DLG1: variants seen among roughly 807,000 people sequenced by gnomAD.
DLG1 encodes the protein disks large homolog 1.
In DLG1, 42 loss-of-function variants were observed where a neutral mutation model predicts 123.4. The observed-to-expected ratio is 0.34, with a 90% confidence interval of 0.27 to 0.44. DLG1 has a LOEUF of 0.44. DLG1 is among the 20% of genes least tolerant of loss of function. DLG1 has a pLI of 1.00. For missense variants in DLG1, 942 were observed against 1,082.6 expected (o/e 0.87, Z 1.82); for synonymous variants, 317 against 356.2 (o/e 0.89, Z 1.24).
At chr3:197,297,679 C>T (rs1560213037) in intron 1 of DLG1, 3 of 989,160 alleles carry the variant, frequency 3.0e-6, no homozygotes, top group Non-Finnish European at 3.6e-6. Context: ...TTGCCTTTCT[C>T]CTTGCTCGCT....
At chr3:197,254,740 T>G (rs890997546) in intron 4 of DLG1, among the ~76,000 whole-genome samples, 1 of 152,014 alleles carries the variant, frequency 6.6e-6, no homozygotes. Context: ...ATACAATAAA[T>G]GAAATTAAGA....
intron 4 of DLG1, among the ~76,000 whole-genome samples, chr3:197,227,050 C>A (rs1740326790): frequency 6.6e-6 from 1 of 152,140 alleles, no homozygotes; most frequent in Non-Finnish European, 1.5e-5. Context: ...TTAACAAATG[C>A]CAGTAAAATA....
intron 4 of DLG1, among the ~76,000 whole-genome samples, chr3:197,233,219 A>G (rs1025667038): frequency 7.2e-5 from 11 of 152,206 alleles, no homozygotes; most frequent in Admixed American, 2.0e-4. Flanking sequence ...TTAGTAATAA[A>G]TGTAATAAAA....
intron 14 of DLG1, 92 bp downstream of exon 14, chr3:197,104,811 T>C (rs1444302271): frequency 2.3e-6 from 2 of 888,366 alleles, no homozygotes; most frequent in Non-Finnish European, 3.6e-6. Flanking sequence ...AAAGGAAGTT[T>C]AGCTTGGAAG....
At chr3:197,178,876 G>A (rs2150108346) in intron 5 of DLG1, among the ~76,000 whole-genome samples, 1 of 152,240 alleles carries the variant, frequency 6.6e-6, no homozygotes, top group East Asian at 1.9e-4. Flanking sequence ...TTTAATGAAA[G>A]ATATTATAGC....
At chr3:197,198,587 CAAG>C (rs1554010287) in intron 4 of DLG1, among the ~76,000 whole-genome samples, 3 of 150,972 alleles carry the variant, frequency 2.0e-5, no homozygotes, top group Non-Finnish European at 4.4e-5. Context: ...TATAGCTCAA[CAAG>C]AAGATGAGTC....
chr3:197,236,705 C>T (rs1479740827), intron 4 of DLG1, among the ~76,000 whole-genome samples: 1 of 152,074 alleles, frequency 6.6e-6, no homozygotes, highest in South Asian at 2.1e-4. Flanking sequence ...CAAGAAAAGT[C>T]GATTTTCACA....
intron 18 of DLG1, among the ~76,000 whole-genome samples, chr3:197,074,886 G>C (rs1481846469): frequency 2.0e-5 from 3 of 151,902 alleles, no homozygotes; most frequent in African/African-American, 7.3e-5. Flanking sequence ...TATTAATGTA[G>C]GTCTTAGAAA....
intron 9 of DLG1, among the ~76,000 whole-genome samples, chr3:197,137,979 C>CA (rs11395100): frequency 0.72 from 105,199 of 147,026 alleles, 37,719 homozygotes; most frequent in East Asian, 0.8. Flanking sequence ...CTCAAAAAAA[C>CA]AAACAAAAAA....
At chr3:197,202,553 A>G (rs1726326353) in intron 4 of DLG1, among the ~76,000 whole-genome samples, 1 of 152,218 alleles carries the variant, frequency 6.6e-6, no homozygotes, top group African/African-American at 2.4e-5. Flanking sequence ...TTAGGAGAAG[A>G]AAAACTCTTA....
chr3:197,085,373 T>C, intron 16 of DLG1: 1 of 539,618 alleles, frequency 1.9e-6, no homozygotes, highest in Non-Finnish European at 3.3e-6. Context: ...TAACCCCTGG[T>C]AACCACCATT....
intron 14 of DLG1, among the ~76,000 whole-genome samples, chr3:197,096,553 G>A (rs904029362): frequency 6.6e-6 from 1 of 152,144 alleles, no homozygotes; most frequent in African/African-American, 2.4e-5. Flanking sequence ...CTACATAATG[G>A]CTTTAGGACT....
intron 4 of DLG1, among the ~76,000 whole-genome samples, chr3:197,238,439 A>G (rs1747154693): frequency 6.6e-6 from 1 of 152,208 alleles, no homozygotes. Context: ...AAGAAATAGA[A>G]AGTCTAAGCA....
intron 5 of DLG1, among the ~76,000 whole-genome samples, chr3:197,191,988 C>A (rs1719852109): frequency 6.6e-6 from 1 of 151,900 alleles, no homozygotes; most frequent in African/African-American, 2.4e-5. Context: ...CAAGCCTGGG[C>A]AACAGAGCAA....
At chr3:197,239,187 A>C (rs1747571860) in intron 4 of DLG1, among the ~76,000 whole-genome samples, 1 of 152,278 alleles carries the variant, frequency 6.6e-6, no homozygotes, top group Admixed American at 6.5e-5. Flanking sequence ...ACAGAGTCCT[A>C]TATAGAGCAA....
chr3:197,256,359 C>G (rs942606538), intron 4 of DLG1, among the ~76,000 whole-genome samples: 1 of 152,272 alleles, frequency 6.6e-6, no homozygotes, highest in Admixed American at 6.5e-5. Flanking sequence ...TGGCCATAGT[C>G]TGCCAACTCC....
chr3:197,058,134 A>G lies in DLG1; in HGVS notation c.2483+1755T>C, dbSNP rs560357125. 2.4e-4 allele frequency among the ~76,000 whole-genome samples: 36 copies of G among 152,042 alleles called. No homozygotes were observed. The East Asian group carries it at 6.6e-3, about 28-fold the overall frequency. On this transcript the variant is annotated intron_variant, in intron 23 of 24. Coordinates refer to ENST00000667157, the MANE Select transcript of DLG1 (RefSeq NM_001366207.1). ...GCTGAGACCACAGGCGCACACCACC[A>G]TGCCTGGCTATTTCTTTGTATTTTT...
chr3:197,235,226 T>C (rs1745347147), intron 4 of DLG1, among the ~76,000 whole-genome samples: 1 of 152,080 alleles, frequency 6.6e-6, no homozygotes, highest in South Asian at 2.1e-4. Flanking sequence ...AATACAGCCA[T>C]CTTACTGGGT....
chr3:197,282,622 G>GT (rs1769932571), intron 4 of DLG1, 57 bp downstream of exon 4: 1 of 1,133,160 alleles, frequency 8.8e-7, no homozygotes, highest in Non-Finnish European at 1.2e-6. Flanking sequence ...AAGAAACATA[G>GT]TAACATAAAT....
Sources: allele counts gnomAD v4.1 joint callset (sites outside exome capture counted in the v4.1 genomes callset), GRCh38; gene constraint gnomAD v4.1.1; transcripts MANE v1.5; gene names NCBI Gene and HGNC (gene_info 2026-07-23, HGNC 2026-07-21).